Variants in STAG1 observed in about 807,000 individuals in gnomAD.
STAG1 encodes the protein cohesin subunit SA-1.
STAG1 carries 26 observed loss-of-function variants against 170.9 expected under a neutral mutation model. The ratio of observed to expected loss-of-function variants is 0.15; its 90% confidence interval spans 0.11 to 0.21. The LOEUF is 0.21. Ranked by LOEUF, STAG1 falls within the 10% of genes least tolerant of loss-of-function variation. STAG1 has a pLI of 1.00. For missense variants in STAG1, 964 were observed against 1,509.5 expected (o/e 0.64, Z 5.99); for synonymous variants, 514 against 497.7 (o/e 1.03, Z -0.44).
intron 1 of STAG1, among the ~76,000 whole-genome samples, chr3:136,726,310 T>C (rs776335003): frequency 4.6e-5 from 7 of 152,188 alleles, no homozygotes; most frequent in Non-Finnish European, 7.3e-5. Context: ...TAGGTTTCTA[T>C]CCACTGATGC....
chr3:136,740,566 G>T (rs1934610955), intron 1 of STAG1, among the ~76,000 whole-genome samples: 1 of 152,022 alleles, frequency 6.6e-6, no homozygotes, highest in Non-Finnish European at 1.5e-5. Context: ...CTACAACCTT[G>T]ACCTCCTGGG....
At position 136,422,643 on chromosome 3, in the gene STAG1, T is replaced by C. The variant is rs556400528; in HGVS notation, c.1834-30A>G. ...GGAGACAAAAAAAGAAAAACTGTAA[T>C]ATTTAGGTTAACAATAAAAAATAAA... On this transcript the variant is annotated intron_variant, in intron 18 of 33. Transcript: ENST00000383202. 4.4e-6 allele frequency: 7 copies of C among 1,586,278 alleles called. No homozygotes were observed. The South Asian group carries it at 8.1e-5, about 18-fold the overall frequency.
intron 1 of STAG1, among the ~76,000 whole-genome samples, chr3:136,682,009 G>A (rs1211584494): frequency 6.6e-6 from 1 of 152,050 alleles, no homozygotes; most frequent in Non-Finnish European, 1.5e-5. Context: ...ACATGGTGCT[G>A]GAAGTCCTAG....
intron 5 of STAG1, among the ~76,000 whole-genome samples, chr3:136,551,253 GAGAGA>G (rs1936384240): frequency 6.2e-5 from 9 of 144,404 alleles, no homozygotes; most frequent in South Asian, 2.2e-4. Flanking sequence ...GAGAGAGAGA[GAGAGA>G]GAGGGAGAGC....
intron 22 of STAG1, among the ~76,000 whole-genome samples, chr3:136,384,680 A>C (rs1315683081): frequency 6.6e-6 from 1 of 152,010 alleles, no homozygotes; most frequent in Admixed American, 6.6e-5. Flanking sequence ...AGGCAGAAGG[A>C]TCACTTGAGC....
At chr3:136,561,630 T>C (rs1373843651) in intron 5 of STAG1, among the ~76,000 whole-genome samples, 1 of 152,208 alleles carries the variant, frequency 6.6e-6, no homozygotes. Context: ...TTTCTAAACA[T>C]GCTATATTAT....
chr3:136,398,795 G>A lies in STAG1; in HGVS notation c.2231C>T (p.Ser744Leu). The A allele has an allele frequency of 3.1e-6, 5 of 1,602,364 alleles. No homozygotes were observed. Among genetic ancestry groups the A allele is most frequent in the East Asian group, 2.3e-5 (1 of 44,074 alleles). ...AATTTTCACCAACTGCCAAAGAATC[G>A]AATAATGGGAACACTGCAGTGCTTG... ...VVQALQCSHY[S>L]ILWQLVKITD... The change falls in exon 22 of 34, where the codon TCG (serine) becomes TTG (leucine). Residue 744 changes from serine to leucine, a missense_variant. Ser to Leu is a moderately radical substitution (Grantham distance 145). Coordinates refer to ENST00000383202, the MANE Select transcript of STAG1 (RefSeq NM_005862.3).
At chr3:136,555,368 A>G (rs1012318279) in intron 5 of STAG1, among the ~76,000 whole-genome samples, 1 of 151,838 alleles carries the variant, frequency 6.6e-6, no homozygotes, top group Non-Finnish European at 1.5e-5. Flanking sequence ...AAATACCTCA[A>G]TAGTGCTAAA....
intron 22 of STAG1, among the ~76,000 whole-genome samples, chr3:136,393,535 CAAAATGTAA>C (rs549306594): frequency 6.7e-6 from 1 of 149,384 alleles, no homozygotes; most frequent in African/African-American, 2.4e-5. Flanking sequence ...AACGAGCAAA[CAAAATGTAA>C]AACAATAAGG....
At position 136,473,674 on chromosome 3, in the gene STAG1, C is replaced by A; in HGVS notation, c.1027-37G>T. 2.1e-6 allele frequency: 3 copies of A among 1,462,442 alleles called. No homozygotes were observed. In the South Asian group the frequency reaches 3.5e-5, roughly 17 times the overall value. 90.6% of individuals were successfully genotyped at this position (1,462,442 alleles called of 1,614,324 possible). A position where few individuals can be genotyped will look rare whatever the true frequency, so the allele number is the denominator to read the frequency against. On this transcript the variant is annotated intron_variant, in intron 10 of 33. Transcript: ENST00000383202. ...CAAATAAAAGCACAACAGAAGGAGT[C>A]AATTCCATACTACAATTTTCAAGTC... is the stretch of plus-strand genomic sequence containing the variant.
rs146270857 is a variant in STAG1 at position 136,396,520 on chromosome 3, C to CTTTTTTTTTTTTT, written c.2277+2216_2277+2228dup. On this transcript the variant is annotated intron_variant, in intron 22 of 33. Coordinates refer to ENST00000383202, the MANE Select transcript of STAG1 (RefSeq NM_005862.3). ...ACAGGCGTGAGCCACCGCGCCTGGCCTTTTTTTTTTTTTTTTTTTTTTTTT... is the reference window on the plus strand; with the variant it reads ...ACAGGCGTGAGCCACCGCGCCTGGCCTTTTTTTTTTTTTTTTTTTTTTTTTTTTTTTTTTTTTT... 5.3e-4 allele frequency among the ~76,000 whole-genome samples: 23 copies of CTTTTTTTTTTTTT among 43,658 alleles called. 2 individuals are homozygous for CTTTTTTTTTTTTT. Among genetic ancestry groups the CTTTTTTTTTTTTT allele is most frequent in the African/African-American group, 2.5e-3 (22 of 8,644 alleles). 28.6% of individuals were successfully genotyped at this position (43,658 alleles called of 152,430 possible).
chr3:136,616,067 G>C (rs1231977381), intron 3 of STAG1, among the ~76,000 whole-genome samples: 1 of 152,138 alleles, frequency 6.6e-6, no homozygotes, highest in East Asian at 1.9e-4. Flanking sequence ...AGGAGATCAA[G>C]ACCATCCTGG....
intron 1 of STAG1, among the ~76,000 whole-genome samples, chr3:136,723,786 G>A (rs1320364803): frequency 3.6e-4 from 52 of 144,452 alleles, no homozygotes; most frequent in Non-Finnish European, 2.3e-4. Context: ...AGGAGGTGGG[G>A]GGGTCAGCCC....
chr3:136,734,813 A>T (rs1339626313), intron 1 of STAG1, among the ~76,000 whole-genome samples: 1 of 152,208 alleles, frequency 6.6e-6, no homozygotes, highest in Non-Finnish European at 1.5e-5. Flanking sequence ...TATAATAAGT[A>T]CTCACAAAAT....
At chr3:136,714,963 ATTT>A (rs1229503377) in intron 1 of STAG1, among the ~76,000 whole-genome samples, 23 of 61,700 alleles carry the variant, frequency 3.7e-4, no homozygotes, top group South Asian at 1.0e-3. Context: ...ATATATATAT[ATTT>A]TATATATATA....
At chr3:136,447,256 G>A (rs1390470142) in intron 14 of STAG1, among the ~76,000 whole-genome samples, 3 of 151,686 alleles carry the variant, frequency 2.0e-5, no homozygotes, top group African/African-American at 2.4e-5. Context: ...GGGCCAAGGC[G>A]GGCAGCAAGA....
At chr3:136,338,536 T>C (rs1935800862) in intron 32 of STAG1, 86 bp from the exon 33 acceptor site, 5 of 977,114 alleles carry the variant, frequency 5.1e-6, no homozygotes, top group South Asian at 1.4e-5. Context: ...TCTGACAGTA[T>C]CATAAATATA....
At position 136,538,991 on chromosome 3, in the gene STAG1, C is replaced by G. The variant is rs551803615; in HGVS notation, c.471+3128G>C. Among the ~76,000 whole-genome samples the G allele has an allele frequency of 8.5e-3, 1,286 of 152,010 alleles. 21 individuals carry two copies. Among genetic ancestry groups the G allele is most frequent in the African/African-American group, 0.03 (1,231 of 41,492 alleles). ...CTACTAAAAATACAAAAAATTAGCCCAGCGTAGCGGCAGGCGCCTGTAGTC... is the reference window on the plus strand; with the variant it reads ...CTACTAAAAATACAAAAAATTAGCCGAGCGTAGCGGCAGGCGCCTGTAGTC... On this transcript the variant is annotated intron_variant, in intron 6 of 33. Transcript: ENST00000383202.
intron 13 of STAG1, among the ~76,000 whole-genome samples, chr3:136,463,855 A>G (rs952078044): frequency 1.0e-4 from 15 of 146,282 alleles, no homozygotes; most frequent in Non-Finnish European, 2.0e-4. Context: ...ATATATAAAT[A>G]TATATTTATA....
Sources: allele counts gnomAD v4.1 joint callset (sites outside exome capture counted in the v4.1 genomes callset), GRCh38; gene constraint gnomAD v4.1.1; transcripts MANE v1.5; gene names NCBI Gene and HGNC (gene_info 2026-07-23, HGNC 2026-07-21).